SLC30A4: variants seen among roughly 807,000 people sequenced by gnomAD.
SLC30A4 encodes the protein solute carrier family 30 member 4.
A neutral mutation model predicts 41.7 loss-of-function variants in SLC30A4; 20 were observed. The ratio of observed to expected loss-of-function variants is 0.48; its 90% CI spans 0.34 to 0.70. The LOEUF is 0.70. SLC30A4 is among the 30% of genes least tolerant of loss of function. The probability of loss-of-function intolerance (pLI) is 0.01; values close to 1 mark genes in which losing one functional copy is unlikely to be tolerated. For synonymous variants in SLC30A4, 181 were observed against 195.9 expected (o/e 0.92, Z 0.64); for missense variants, 441 against 529.3 (o/e 0.83, Z 1.64).
chr15:45,503,052 C>A (rs116101386), intron 3 of SLC30A4: 10 of 151,050 alleles, frequency 6.6e-5, no homozygotes, highest in Admixed American at 6.0e-4. Context: ...TTCAGAAATA[C>A]ATCTGCCTGT....
intron 3 of SLC30A4, 83 bp downstream of exon 3, chr15:45,511,055 A>T: frequency 1.9e-6 from 2 of 1,051,012 alleles, no homozygotes; most frequent in South Asian, 3.5e-5. Context: ...ATATCACTGG[A>T]ACGAGTTCAG....
At position 45,511,177 on chromosome 15, in the gene SLC30A4, A is replaced by G; in HGVS notation, c.499T>C (p.Ser167Pro). 6.2e-7 allele frequency: 1 copy of G among 1,613,950 alleles called. No homozygotes were observed. Among genetic ancestry groups the G allele is most frequent in the South Asian group, 1.1e-5 (1 of 91,054 alleles). Residue 167 changes from serine to proline, a missense_variant, in exon 3 of 8, where the codon TCA becomes CCA. Transcript: ENST00000261867. Reference sequence around the variant, plus strand: ...CCAAAGGTGAATCTTTTGGTTGGTGATTTTGATGATAGCCACAAAGCAAGC... The same window carrying G: ...CCAAAGGTGAATCTTTTGGTTGGTGGTTTTGATGATAGCCACAAAGCAAGC... ...TLLALWLSSKSPTKRFTFGFH... is the reference protein window; with the variant it reads ...TLLALWLSSKPPTKRFTFGFH...
chr15:45,486,984 A>G (rs1280865498), intron 6 of SLC30A4, among the ~76,000 whole-genome samples: 1 of 152,076 alleles, frequency 6.6e-6, no homozygotes, highest in Non-Finnish European at 1.5e-5. Context: ...CTAAAAAGGA[A>G]TGCCAATCAA....
At chr15:45,517,439 C>T (rs943716739) in intron 2 of SLC30A4, among the ~76,000 whole-genome samples, 13 of 149,576 alleles carry the variant, frequency 8.7e-5, no homozygotes, top group East Asian at 2.0e-4. Context: ...CCACAACCTC[C>T]GCCTCCTAGG....
chr15:45,485,283 C>A lies in SLC30A4; in HGVS notation c.1170G>T (p.Gln390His). The A allele has an allele frequency of 6.2e-7, 1 of 1,611,118 alleles. No homozygotes were observed. Among genetic ancestry groups the A allele is most frequent in the East Asian group, 2.2e-5 (1 of 44,788 alleles). ...PGSSSKWEEV[Q>H]SKANHLLLNT... ...TCAATAATAAATGGTTTGCTTTGGACTGTACTTCCTCCCATTTAGATGAAC... is the reference window on the plus strand; with the variant it reads ...TCAATAATAAATGGTTTGCTTTGGAATGTACTTCCTCCCATTTAGATGAAC... Residue 390 changes from glutamine (Q) to histidine (H), a missense_variant, in exon 8 of 8, where the codon CAG becomes CAT. By Grantham distance (24) the Gln-to-His change is conservative (BLOSUM62 0). Transcript: ENST00000261867.
Position 45,490,899 on chromosome 15 carries a change from T to A in SLC30A4, c.539-18A>T, listed in dbSNP as rs944781152. The A allele has an allele frequency of 2.6e-6, 4 of 1,516,634 alleles. No individual in the cohort carries two copies. 93.9% of individuals were successfully genotyped at this position (1,516,634 alleles called of 1,614,324 possible). On this transcript the variant is annotated intron_variant, in intron 3 of 7. Coordinates refer to ENST00000261867, the MANE Select transcript of SLC30A4 (RefSeq NM_013309.6). ...CAAAACCTCTAGAGGGAAAAACACA[T>A]ATAACAAATACATTTTCAGCATGGT...
At position 45,487,960 on chromosome 15, in the gene SLC30A4, AGTGTGTGTGTGTGT is replaced by A. The variant is rs58392709; in HGVS notation, c.895-342_895-329del. 1.5e-3 allele frequency among the ~76,000 whole-genome samples: 206 copies of A among 139,780 alleles called. 1 individual carries two copies. Among genetic ancestry groups the A allele is most frequent in the African/African-American group, 4.9e-3 (188 of 38,252 alleles). 91.7% of individuals were successfully genotyped at this position (139,780 alleles called of 152,430 possible). ...TGTGTGTGTGTCAAAGCTGGAAAAAAGTGTGTGTGTGTGTGTGTGTGTGTGTGTGTGTGTGTGTG... is the reference window on the plus strand; with the variant it reads ...TGTGTGTGTGTCAAAGCTGGAAAAAAGTGTGTGTGTGTGTGTGTGTGTGTG... On this transcript the variant is annotated intron_variant, in intron 5 of 7. Transcript: ENST00000261867.
intron 2 of SLC30A4, 45 bp downstream of exon 2, chr15:45,521,919 T>C (rs1393185264): frequency 1.9e-6 from 3 of 1,575,728 alleles, no homozygotes; most frequent in South Asian, 2.3e-5. Flanking sequence ...TGACAAAGAC[T>C]CTCGAGGAAA....
In SLC30A4 at chr15:45,488,768, T is replaced by C. The variant is rs1297411523; in HGVS notation, c.894+73A>G. ...CTGGCACTGGTGTCCAGTATACTGATATGACAATCAGCCTTAGTTTTCATG... is the reference window on the plus strand; with the variant it reads ...CTGGCACTGGTGTCCAGTATACTGACATGACAATCAGCCTTAGTTTTCATG... On this transcript the variant is annotated intron_variant, in intron 5 of 7. Coordinates refer to ENST00000261867, the MANE Select transcript of SLC30A4 (RefSeq NM_013309.6). 1.7e-5 allele frequency: 20 copies of C among 1,170,710 alleles called. No homozygotes were observed. In the Admixed American group the frequency reaches 3.1e-4, roughly 18 times the overall value. 72.5% of individuals were successfully genotyped at this position (1,170,710 alleles called of 1,614,324 possible). A position where few individuals can be genotyped will look rare whatever the true frequency, so the allele number is the denominator to read the frequency against.
intron 3 of SLC30A4, among the ~76,000 whole-genome samples, chr15:45,491,661 T>C (rs972525446): frequency 6.6e-6 from 1 of 152,150 alleles, no homozygotes; most frequent in Non-Finnish European, 1.5e-5. Flanking sequence ...AACACCTAAT[T>C]ATCAAGCTCA....
intron 4 of SLC30A4, among the ~76,000 whole-genome samples, chr15:45,489,329 G>GT (rs1891765258): frequency 6.6e-6 from 1 of 152,072 alleles, no homozygotes; most frequent in Non-Finnish European, 1.5e-5. Flanking sequence ...ATAAAGCATT[G>GT]TAAGGGGATG....
intron 2 of SLC30A4, among the ~76,000 whole-genome samples, chr15:45,517,952 T>TAAAAAC (rs995634096): frequency 4.6e-5 from 7 of 151,930 alleles, no homozygotes; most frequent in Non-Finnish European, 7.4e-5. Context: ...CGTCTCAAAA[T>TAAAAAC]AAAAACAAAA....
At chr15:45,485,405 G>A in intron 7 of SLC30A4, 88 bp from the exon 8 acceptor site, 2 of 845,336 alleles carry the variant, frequency 2.4e-6, no homozygotes, top group East Asian at 2.7e-5. Context: ...AAATATACTG[G>A]GAATATATTT....
chr15:45,517,739 G>A lies in SLC30A4; in HGVS notation c.391+4225C>T, dbSNP rs1423124907. ...CGAGGCGGACAGATCACGAGGTCAG[G>A]AGATTGAGACCATCCTGGCTAACAC... On this transcript the variant is annotated intron_variant, in intron 2 of 7. Transcript: ENST00000261867. Among the ~76,000 whole-genome samples the A allele has an allele frequency of 3.3e-5, 5 of 152,064 alleles. No individual in the cohort carries two copies. In the South Asian group the frequency reaches 8.3e-4, roughly 25 times the overall value.
At position 45,482,065 on chromosome 15, in the gene SLC30A4, A is replaced by AG. The variant is rs1310265442; in HGVS notation, c.*3097_*3098insC. 6.5e-6 allele frequency: 1 copy of AG among 152,870 alleles called. No individual in the cohort carries two copies. Among genetic ancestry groups the AG allele is most frequent in the East Asian group, 1.9e-4 (1 of 5,330 alleles). 9.5% of individuals were successfully genotyped at this position (152,870 alleles called of 1,614,324 possible). A position where few individuals can be genotyped will look rare whatever the true frequency, so the allele number is the denominator to read the frequency against. On this transcript the variant is annotated 3_prime_UTR_variant, in exon 8 of 8. Transcript: ENST00000261867. ...GGGAGACCCCATCTCATTAAAAAAA[A>AG]AAAAAAAAAAAAAAAAAAAAGATTT... is the stretch of plus-strand genomic sequence containing the variant.
intron 3 of SLC30A4, 64 bp downstream of exon 3, chr15:45,511,074 G>T: frequency 1.6e-6 from 2 of 1,287,926 alleles, no homozygotes; most frequent in Non-Finnish European, 2.2e-6. Flanking sequence ...AGTTAATCAG[G>T]GTTATAGTTC....
chr15:45,487,913 TGTG>T (rs1891736144), intron 5 of SLC30A4, among the ~76,000 whole-genome samples: 1 of 125,052 alleles, frequency 8.0e-6, no homozygotes, highest in Admixed American at 8.1e-5. Flanking sequence ...AAGAAGTAAG[TGTG>T]TGTGTGTGTG....
At chr15:45,506,854 C>CA (rs2140836686) in intron 3 of SLC30A4, among the ~76,000 whole-genome samples, 1 of 152,250 alleles carries the variant, frequency 6.6e-6, no homozygotes, top group South Asian at 2.1e-4. Context: ...ATTCATGTAA[C>CA]AAAATTCACC....
intron 3 of SLC30A4, among the ~76,000 whole-genome samples, chr15:45,491,857 CAA>C (rs539770950): frequency 3.8e-5 from 5 of 131,724 alleles, no homozygotes; most frequent in African/African-American, 8.3e-5. Flanking sequence ...AGAGCTGTCT[CAA>C]AAAAAAAAAA....
Sources: allele counts gnomAD v4.1 joint callset (sites outside exome capture counted in the v4.1 genomes callset), GRCh38; gene constraint gnomAD v4.1.1; transcripts MANE v1.5; gene names NCBI Gene and HGNC (gene_info 2026-07-23, HGNC 2026-07-21).